Variants in TBCK observed in about 807,000 individuals in gnomAD.
The protein encoded by TBCK is TBC domain-containing protein kinase-like protein.
A neutral mutation model predicts 113.4 loss-of-function variants in TBCK; 99 were observed. The ratio of observed to expected loss-of-function variants is 0.87; its 90% CI spans 0.74 to 1.03. The LOEUF (loss-of-function observed/expected upper bound fraction) is 1.03, where lower values mean the gene tolerates loss of function less well. TBCK is among the 50% of genes least tolerant of loss of function. TBCK has a pLI of 0.00. For synonymous variants in TBCK, 369 were observed against 370.8 expected (o/e 1.00, Z 0.05); for missense variants, 1,045 against 1,061.3 (o/e 0.98, Z 0.21).
chr4:106,252,999 A>G (rs1761597896), intron 5 of TBCK, among the ~76,000 whole-genome samples: 1 of 152,142 alleles, frequency 6.6e-6, no homozygotes, highest in Admixed American at 6.5e-5. Context: ...CATAAAGAAG[A>G]AAGCTTCAAT....
At position 106,135,913 on chromosome 4, in the gene TBCK, A is replaced by C. The variant is rs1746498214; in HGVS notation, c.2236-19535T>G. Among the ~76,000 whole-genome samples the C allele has an allele frequency of 2.1e-5, 3 of 141,502 alleles. 1 individual carries two copies. The highest frequency in any genetic ancestry group is 3.2e-5 in the Non-Finnish European group (2 of 62,342). 92.8% of individuals were successfully genotyped at this position (141,502 alleles called of 152,430 possible). A position where few individuals can be genotyped will look rare whatever the true frequency, so the allele number is the denominator to read the frequency against. On this transcript the variant is annotated intron_variant, in intron 23 of 25. Coordinates refer to ENST00000394708, the MANE Select transcript of TBCK (RefSeq NM_001163435.3). ...CTCTGAAAGACAGAGAAGTCTGAGG[A>C]TATAGATCAAACTTACAGATATGTA...
At chr4:106,315,139 A>G (rs539166956) in intron 1 of TBCK, among the ~76,000 whole-genome samples, 7 of 151,898 alleles carry the variant, frequency 4.6e-5, no homozygotes, top group Non-Finnish European at 1.0e-4. Flanking sequence ...CTACCGGGGG[A>G]AAAAAAACGT....
At chr4:106,232,198 G>A (rs971579408) in intron 17 of TBCK, among the ~76,000 whole-genome samples, 9 of 151,600 alleles carry the variant, frequency 5.9e-5, no homozygotes, top group African/African-American at 2.2e-4. Flanking sequence ...TTTAAAAATT[G>A]TGAAGTGGAT....
At chr4:106,082,092 T>C (rs1738937896) in intron 25 of TBCK, among the ~76,000 whole-genome samples, 1 of 152,222 alleles carries the variant, frequency 6.6e-6, no homozygotes, top group Admixed American at 6.5e-5. Flanking sequence ...GCAATCCTAC[T>C]ATATGATATA....
At chr4:106,147,661 T>C (rs1350190868) in intron 23 of TBCK, among the ~76,000 whole-genome samples, 1 of 152,160 alleles carries the variant, frequency 6.6e-6, no homozygotes, top group African/African-American at 2.4e-5. Flanking sequence ...CTCTTAATCC[T>C]GTCATCTCAT....
At chr4:106,240,325 T>C (rs1759949683) in intron 12 of TBCK, among the ~76,000 whole-genome samples, 1 of 151,952 alleles carries the variant, frequency 6.6e-6, no homozygotes. Context: ...TTCTATTCAA[T>C]AGCGTTATAG....
rs1763646645 is a variant in TBCK, at chr4:106,272,872, CG to C, written c.267-10661del. ...TAGAATATAAGCAAAGCAAACCAAT[CG>C]CGTGGGTAAGTACAGGGTAAAAGTT... On this transcript the variant is annotated intron_variant, in intron 3 of 25. Transcript: ENST00000394708. Among the ~76,000 whole-genome samples the C allele has an allele frequency of 2.0e-5, 3 of 152,232 alleles. No individual in the cohort carries two copies. The South Asian group carries it at 6.2e-4, about 32-fold the overall frequency.
At chr4:106,113,712 TC>T (rs1367187975) in intron 24 of TBCK, among the ~76,000 whole-genome samples, 1 of 152,156 alleles carries the variant, frequency 6.6e-6, no homozygotes, top group Non-Finnish European at 1.5e-5. Context: ...AGAAGAGAAG[TC>T]AGAAGACTGA....
intron 22 of TBCK, among the ~76,000 whole-genome samples, chr4:106,181,373 T>C (rs1752361838): frequency 6.6e-6 from 1 of 152,234 alleles, no homozygotes; most frequent in Non-Finnish European, 1.5e-5. Context: ...TTTAGTTTAA[T>C]TAGATCCCAT....
At chr4:106,226,502 TAG>T (rs1451427607) in intron 19 of TBCK, among the ~76,000 whole-genome samples, 15 of 152,310 alleles carry the variant, frequency 9.8e-5, no homozygotes, top group African/African-American at 3.6e-4. Context: ...TTCTAAAGTA[TAG>T]AAATTTAGCC....
At chr4:106,125,958 T>C (rs964983721) in intron 23 of TBCK, among the ~76,000 whole-genome samples, 8 of 152,356 alleles carry the variant, frequency 5.3e-5, no homozygotes, top group Non-Finnish European at 1.2e-4. Context: ...ATATAAAGTA[T>C]TTAGAATGGC....
intron 23 of TBCK, among the ~76,000 whole-genome samples, chr4:106,150,681 C>T (rs527716649): frequency 1.3e-4 from 20 of 152,158 alleles, no homozygotes; most frequent in Middle Eastern, 3.4e-3. Context: ...AAGATCCAAT[C>T]TCTCCCCTGT....
At chr4:106,061,618 G>A (rs894597437) in intron 25 of TBCK, among the ~76,000 whole-genome samples, 4 of 151,166 alleles carry the variant, frequency 2.6e-5, no homozygotes, top group Non-Finnish European at 4.4e-5. Context: ...CATTGGGTTG[G>A]TCTGGAACTG....
chr4:106,239,830 A>C (rs201293254), intron 12 of TBCK, among the ~76,000 whole-genome samples: 1 of 112,318 alleles, frequency 8.9e-6, no homozygotes, highest in East Asian at 2.6e-4. Context: ...TAATCATATA[A>C]AGTCTTTCAG....
At chr4:106,100,034 C>T (rs1366243902) in intron 24 of TBCK, among the ~76,000 whole-genome samples, 1 of 152,148 alleles carries the variant, frequency 6.6e-6, no homozygotes, top group Non-Finnish European at 1.5e-5. Flanking sequence ...CTGTAGTTTT[C>T]TCTGCCCAAA....
intron 20 of TBCK, among the ~76,000 whole-genome samples, chr4:106,196,005 A>T (rs1754192138): frequency 6.6e-6 from 1 of 152,034 alleles, no homozygotes; most frequent in African/African-American, 2.4e-5. Flanking sequence ...TACTTTTTAA[A>T]TGTTCAAAAT....
rs574825052 is a variant in TBCK, at chr4:106,205,775, C to CA, written c.1860+6974dup. 5.9e-3 allele frequency among the ~76,000 whole-genome samples: 868 copies of CA among 147,034 alleles called. 9 individuals are homozygous for CA. The highest frequency in any genetic ancestry group is 0.041 in the South Asian group (186 of 4,588). On this transcript the variant is annotated intron_variant, in intron 20 of 25. Transcript: ENST00000394708. ...AGACTCTGTCTCAAAAAAAAAACAA[C>CA]AAAAAAAACAAAAAAAACCACTGCT...
At chr4:106,308,713 A>G (rs1767817205) in intron 2 of TBCK, 55 bp downstream of exon 2, 2 of 1,479,476 alleles carry the variant, frequency 1.4e-6, no homozygotes, top group Non-Finnish European at 1.8e-6. Flanking sequence ...TAGTATTTAT[A>G]ACTTAGGGTA....
intron 25 of TBCK, among the ~76,000 whole-genome samples, chr4:106,082,556 A>C (rs931603750): frequency 2.0e-5 from 3 of 152,170 alleles, no homozygotes; most frequent in Non-Finnish European, 4.4e-5. Context: ...ATTTATTAAC[A>C]AACCTGTACA....
Sources: gnomAD v4.1 joint callset for allele counts (sites outside exome capture counted in the v4.1 genomes callset) on GRCh38, gnomAD v4.1.1 for gene constraint, MANE v1.5 for transcripts, NCBI Gene and HGNC (gene_info 2026-07-23, HGNC 2026-07-21) for gene names.